ZNF98: variants seen among roughly 807,000 people sequenced by gnomAD.
The protein encoded by ZNF98 is zinc finger protein 98.
In ZNF98, 8 loss-of-function variants were observed where a neutral mutation model predicts 12.8. The ratio of observed to expected loss-of-function variants is 0.63; its 90% confidence interval spans 0.37 to 1.13. The LOEUF is 1.13. Among genes scored for constraint, ZNF98 ranks in the 50% most tolerant of loss-of-function variants. The probability of loss-of-function intolerance (pLI) is 0.01; values close to 1 mark genes in which losing one functional copy is unlikely to be tolerated. For missense variants in ZNF98, 379 were observed against 666.1 expected, an observed-to-expected ratio of 0.57 and a Z score of 4.74; for synonymous variants, 112 against 223.5, an observed-to-expected ratio of 0.50 and a Z score of 4.45.
intron 3 of ZNF98, among the ~76,000 whole-genome samples, chr19:22,393,633 T>C (rs1368006515): frequency 4.6e-5 from 7 of 152,116 alleles, no homozygotes; most frequent in Non-Finnish European, 8.8e-5. Flanking sequence ...GCTAGCCATA[T>C]GTAGAAAGCT....
intron 1 of ZNF98, among the ~76,000 whole-genome samples, chr19:22,419,016 G>A (rs917045555): frequency 6.6e-6 from 1 of 152,128 alleles, no homozygotes; most frequent in Non-Finnish European, 1.5e-5. Flanking sequence ...CGCATTTTAT[G>A]TCCTTCCTAA....
chr19:22,402,965 A>C (rs531594640), intron 2 of ZNF98, 81 bp from the exon 3 acceptor site: 1 of 1,369,492 alleles, frequency 7.3e-7, no homozygotes. Flanking sequence ...AAAGGATGTA[A>C]TAGAATATTC....
chr19:22,415,771 G>T (rs1969632841), intron 1 of ZNF98, among the ~76,000 whole-genome samples: 1 of 151,616 alleles, frequency 6.6e-6, no homozygotes, highest in South Asian at 2.1e-4. Context: ...GGACAACATA[G>T]TGAGAACCTG....
At chr19:22,420,421 A>G (rs1245613567) in intron 1 of ZNF98, among the ~76,000 whole-genome samples, 1 of 152,086 alleles carries the variant, frequency 6.6e-6, no homozygotes, top group Non-Finnish European at 1.5e-5. Context: ...CAAATCTTAG[A>G]GCATTTAGGG....
chr19:22,420,592 C>G (rs1216377509), intron 1 of ZNF98, among the ~76,000 whole-genome samples: 2 of 152,026 alleles, frequency 1.3e-5, no homozygotes, highest in Non-Finnish European at 2.9e-5. Flanking sequence ...CATCTTTTCC[C>G]CAGGGTATCC....
rs750246403 is a variant in ZNF98, at chr19:22,392,605, G to C, written c.630C>G (p.Tyr210Ter). The C allele has an allele frequency of 6.2e-7, 1 of 1,607,166 alleles. No homozygotes were observed. The highest frequency in any genetic ancestry group is 1.3e-5 in the African/African-American group (1 of 74,690). Residue 210 changes from tyrosine (Y) to a stop codon, truncating the protein, a stop_gained, in exon 4 of 4, where the codon TAC becomes TAG. Transcript: ENST00000357774. LOFTEE classifies it low-confidence loss of function (END_TRUNC). ...HKRIHSGEKPYKCKECGKAYN... is the reference protein window; with the variant it reads ...HKRIHSGEKP ...AGGCTTTCCCACATTCTTTACATTT[G>C]TAGGGTTTCTCTCCACTATGAATTC...
intron 1 of ZNF98, among the ~76,000 whole-genome samples, chr19:22,408,517 A>T (rs1240296661): frequency 1.3e-5 from 2 of 152,186 alleles, no homozygotes; most frequent in African/African-American, 4.8e-5. Context: ...CTGTTTGCAG[A>T]TGACATTATT....
At chr19:22,417,742 A>T (rs930999478) in intron 1 of ZNF98, among the ~76,000 whole-genome samples, 2 of 152,156 alleles carry the variant, frequency 1.3e-5, no homozygotes, top group Non-Finnish European at 2.9e-5. Flanking sequence ...ACTAGAATCA[A>T]AAATGCTGTT....
chr19:22,421,715 TG>T (rs1568297998), intron 1 of ZNF98, among the ~76,000 whole-genome samples: 1 of 152,236 alleles, frequency 6.6e-6, no homozygotes. Context: ...AACCCATAGC[TG>T]GGAGCTCTAC....
intron 1 of ZNF98, among the ~76,000 whole-genome samples, chr19:22,412,219 CCA>C (rs1446438183): frequency 6.6e-6 from 1 of 152,058 alleles, no homozygotes; most frequent in Non-Finnish European, 1.5e-5. Flanking sequence ...ATTATATGAA[CCA>C]CACACAGAGG....
intron 1 of ZNF98, among the ~76,000 whole-genome samples, chr19:22,419,396 G>C (rs910511387): frequency 6.6e-6 from 1 of 152,006 alleles, no homozygotes; most frequent in Non-Finnish European, 1.5e-5. Flanking sequence ...CATGGCTGGG[G>C]GTGAGCAGGC....
At chr19:22,400,103 T>A (rs905373202) in intron 3 of ZNF98, among the ~76,000 whole-genome samples, 2 of 152,190 alleles carry the variant, frequency 1.3e-5, no homozygotes, top group Non-Finnish European at 2.9e-5. Flanking sequence ...TTGGTCCCAC[T>A]GAGAATTCTG....
intron 3 of ZNF98, among the ~76,000 whole-genome samples, chr19:22,396,956 T>C (rs1969400296): frequency 6.6e-6 from 1 of 151,712 alleles, no homozygotes; most frequent in South Asian, 2.1e-4. Context: ...CCGACTCTAC[T>C]AAAAATACAA....
At chr19:22,421,435 T>C (rs1348369933) in intron 1 of ZNF98, among the ~76,000 whole-genome samples, 1 of 152,006 alleles carries the variant, frequency 6.6e-6, no homozygotes, top group Non-Finnish European at 1.5e-5. Context: ...TGGCGGCAAA[T>C]AGACTGAGGT....
At chr19:22,395,878 A>G (rs1359657406) in intron 3 of ZNF98, among the ~76,000 whole-genome samples, 3 of 151,296 alleles carry the variant, frequency 2.0e-5, no homozygotes, top group Admixed American at 6.6e-5. Flanking sequence ...AGGGGGGGGA[A>G]AAAAAAAAGC....
rs776871554 is a variant in ZNF98, at chr19:22,392,974, A to G, written c.261T>C (p.Tyr87=). Residue 87 remains tyrosine (Y), a synonymous_variant, in exon 4 of 4, where the codon TAT becomes TAC. Transcript: ENST00000357774. ...GCCAAAGGTCTTGGGCAAAATAAGA[A>G]TATACAACTGAAAGAAATAAAAATA... is the stretch of plus-strand genomic sequence containing the variant. ...HEMVTEPPVV[Y]SYFAQDLWPK... is the part of the protein sequence containing the mutation. 1.4e-5 allele frequency: 21 copies of G among 1,516,466 alleles called. No homozygotes were observed. In the South Asian group the frequency reaches 2.1e-4, roughly 15 times the overall value. The allele number at this position is 1,516,466 out of a possible 1,614,324, so 93.9% of individuals were successfully genotyped here. A position where few individuals can be genotyped will look rare whatever the true frequency, so the allele number is the denominator to read the frequency against.
chr19:22,401,485 A>AT (rs71180540), intron 3 of ZNF98, among the ~76,000 whole-genome samples: 63,128 of 144,946 alleles, frequency 0.44, 13,738 homozygotes, highest in Non-Finnish European at 0.46. Context: ...GATTGAAAGA[A>AT]TTTTTTTTTT....
rs147494352 is a variant in ZNF98, at chr19:22,419,563, G to T, written c.30+2632C>A. Among the ~76,000 whole-genome samples, 189 of 152,168 alleles carry T rather than the reference G, an allele frequency of 1.2e-3. 1 individual carries two copies. The highest frequency in any genetic ancestry group is 4.3e-3 in the African/African-American group (179 of 41,518). On this transcript the variant is annotated intron_variant, in intron 1 of 3. Coordinates refer to ENST00000357774, the MANE Select transcript of ZNF98 (RefSeq NM_001098626.2). Reference sequence around the variant, plus strand: ...TTACTAACTTGGTTTTCAAAATTACGTGTGTGAAAAATTCAGCAACATTAC... The same window carrying T: ...TTACTAACTTGGTTTTCAAAATTACTTGTGTGAAAAATTCAGCAACATTAC...
chr19:22,402,933 A>T, intron 2 of ZNF98, 49 bp from the exon 3 acceptor site: 1 of 1,516,254 alleles, frequency 6.6e-7, no homozygotes, highest in East Asian at 2.4e-5. Context: ...TCCAATTACC[A>T]ATTTAGTAGT....
Sources: gnomAD v4.1 joint callset for allele counts (sites outside exome capture counted in the v4.1 genomes callset) on GRCh38, gnomAD v4.1.1 for gene constraint, MANE v1.5 for transcripts, NCBI Gene and HGNC (gene_info 2026-07-23, HGNC 2026-07-21) for gene names.